DNAI2: variants seen among roughly 807,000 people sequenced by gnomAD.
DNAI2 encodes dynein, axonemal, intermediate polypeptide 2.
In DNAI2, 63 loss-of-function variants were observed where a neutral mutation model predicts 74.7. The observed-to-expected ratio is 0.84, with a 90% CI of 0.69 to 1.04. The LOEUF (loss-of-function observed/expected upper bound fraction) is 1.04. DNAI2 is among the 50% of genes least tolerant of loss of function. The probability of loss-of-function intolerance (pLI) is 0.00; values close to 1 mark genes in which losing one functional copy is unlikely to be tolerated. For synonymous variants in DNAI2, 289 were observed against 314.9 expected (o/e 0.92, Z 0.87); for missense variants, 688 against 803.2 (o/e 0.86, Z 1.73).
intron 9 of DNAI2, among the ~76,000 whole-genome samples, chr17:74,308,674 A>G (rs1475067068): frequency 6.6e-6 from 1 of 152,092 alleles, no homozygotes. Flanking sequence ...GGTGCTCACC[A>G]CCACACCCGG....
chr17:74,293,196 A>G (rs954672682), intron 6 of DNAI2, among the ~76,000 whole-genome samples: 2 of 152,074 alleles, frequency 1.3e-5, no homozygotes, highest in Non-Finnish European at 2.9e-5. Flanking sequence ...CAAGACTTCT[A>G]TTTCCTTGTT....
At position 74,289,674 on chromosome 17, in the gene DNAI2, C is replaced by T; in HGVS notation, c.548C>T (p.Ser183Phe). The change falls in exon 5 of 14, where the codon TCC (serine) becomes TTC (phenylalanine). Residue 183 changes from serine (S) to phenylalanine (F), a missense_variant. Coordinates refer to ENST00000311014, the MANE Select transcript of DNAI2 (RefSeq NM_023036.6). ...DGNRKLAVAY[S>F]CLDFQRAPVG... ...AACAGGAAGTTGGCAGTGGCATACT[C>T]CTGCTTGGATTTTCAGCGGGCACCT... 2 of 1,614,122 alleles carry T rather than the reference C, an allele frequency of 1.2e-6. No individual in the cohort carries two copies. The highest frequency in any genetic ancestry group is 1.7e-5 in the Admixed American group (1 of 60,002).
chr17:74,303,328 C>T (rs1356597846), intron 8 of DNAI2, among the ~76,000 whole-genome samples: 1 of 152,118 alleles, frequency 6.6e-6, no homozygotes, highest in Non-Finnish European at 1.5e-5. Context: ...TCTGGGTGGC[C>T]TTTCTCTCTG....
chr17:74,297,481 C>G (rs1386600778), intron 6 of DNAI2, among the ~76,000 whole-genome samples: 1 of 151,342 alleles, frequency 6.6e-6, no homozygotes, highest in Non-Finnish European at 1.5e-5. Context: ...ACCTCCGCCT[C>G]CTGGGTTCAA....
Position 74,283,478 on chromosome 17 carries a change from C to T in DNAI2, c.183+1478C>T, listed in dbSNP as rs947552924. ...TTTTAATTACCCAGTTGTGGTGGCT[C>T]GCACCTGTGGTCCCAGTTACTTGGG... On this transcript the variant is annotated intron_variant, in intron 2 of 13. Transcript: ENST00000311014. Among the ~76,000 whole-genome samples, 5 of 150,594 alleles carry T rather than the reference C, an allele frequency of 3.3e-5. No homozygotes were observed. The South Asian group carries it at 8.4e-4, about 25-fold the overall frequency.
chr17:74,287,231 CGTG>C, intron 4 of DNAI2, 133 bp downstream of exon 4: 1 of 1,420,300 alleles, frequency 7.0e-7, no homozygotes. Context: ...TGATAAGTGA[CGTG>C]GTGATAAGTC....
At chr17:74,285,599 A>T (rs1183388015) in intron 3 of DNAI2, among the ~76,000 whole-genome samples, 2 of 152,232 alleles carry the variant, frequency 1.3e-5, no homozygotes, top group East Asian at 3.8e-4. Context: ...GTGCAAAAAA[A>T]AAAAATTGTT....
rs529413087 is a variant in DNAI2 at position 74,293,005 on chromosome 17, AT to A, written c.724+1881del. On this transcript the variant is annotated intron_variant, in intron 6 of 13. Transcript: ENST00000311014. ...CCACCACGCTGGGCTAATTTTTTGTATTTTTTTTTAGTAGAGACGGGGTTTC... is the reference window on the plus strand; with the variant it reads ...CCACCACGCTGGGCTAATTTTTTGTATTTTTTTTAGTAGAGACGGGGTTTC... Among the ~76,000 whole-genome samples, 5 of 149,274 alleles carry A rather than the reference AT, an allele frequency of 3.3e-5. 1 individual carries two copies. Among genetic ancestry groups the A allele is most frequent in the Middle Eastern group, 6.9e-3 (2 of 290 alleles).
At chr17:74,302,431 G>A (rs1178402795) in intron 8 of DNAI2, among the ~76,000 whole-genome samples, 1 of 152,334 alleles carries the variant, frequency 6.6e-6, no homozygotes, top group East Asian at 1.9e-4. Flanking sequence ...GCTGGGCGTG[G>A]AGGCGCACGC....
chr17:74,305,144 G>A, intron 8 of DNAI2, 75 bp from the exon 9 acceptor site: 1 of 1,516,472 alleles, frequency 6.6e-7, no homozygotes, highest in South Asian at 1.1e-5. Context: ...CCCCAAGCAA[G>A]CTCCTGTCCA....
At chr17:74,285,315 G>C (rs2051650731) in intron 3 of DNAI2, 114 bp downstream of exon 3, 6 of 1,359,168 alleles carry the variant, frequency 4.4e-6, no homozygotes, top group Non-Finnish European at 6.1e-6. Flanking sequence ...GTGAATGCTG[G>C]GGGGAAGGGG....
intron 4 of DNAI2, 54 bp from the exon 5 acceptor site, chr17:74,289,540 A>C: frequency 7.0e-6 from 11 of 1,560,420 alleles, no homozygotes; most frequent in Admixed American, 1.9e-5. Flanking sequence ...AAAAAGGGGG[A>C]GAAATTGGGG....
chr17:74,278,271 A>AC (rs2143847049), intron 1 of DNAI2, among the ~76,000 whole-genome samples: 1 of 152,256 alleles, frequency 6.6e-6, no homozygotes, highest in South Asian at 2.1e-4. Context: ...ACTCTACAAA[A>AC]AAAAAAAAAT....
At chr17:74,283,596 A>G (rs1216874226) in intron 2 of DNAI2, among the ~76,000 whole-genome samples, 2 of 152,182 alleles carry the variant, frequency 1.3e-5, no homozygotes, top group Non-Finnish European at 2.9e-5. Flanking sequence ...CAACAGAATG[A>G]GACCCTGTCT....
chr17:74,282,600 G>A (rs1263706801), intron 2 of DNAI2, among the ~76,000 whole-genome samples: 1 of 152,172 alleles, frequency 6.6e-6, no homozygotes, highest in African/African-American at 2.4e-5. Context: ...TGTGCCCAGC[G>A]TGGGAGAGAT....
intron 8 of DNAI2, among the ~76,000 whole-genome samples, chr17:74,303,123 T>C (rs2052960490): frequency 2.0e-5 from 3 of 152,320 alleles, no homozygotes; most frequent in South Asian, 2.1e-4. Context: ...TGCAGTCGCC[T>C]ACAACCATCT....
chr17:74,314,398 G>C, intron 13 of DNAI2, 127 bp downstream of exon 13: 11 of 1,247,890 alleles, frequency 8.8e-6, no homozygotes, highest in Non-Finnish European at 1.1e-5. Context: ...GACTCACTGG[G>C]CACTGAGTCC....
At chr17:74,280,701 G>T (rs1422168652) in intron 1 of DNAI2, among the ~76,000 whole-genome samples, 1 of 152,152 alleles carries the variant, frequency 6.6e-6, no homozygotes, top group East Asian at 1.9e-4. Context: ...TCTGTGTCCT[G>T]TGTGTTTCAT....
chr17:74,290,332 C>T (rs945740662), intron 5 of DNAI2, among the ~76,000 whole-genome samples: 4 of 152,070 alleles, frequency 2.6e-5, no homozygotes, highest in Non-Finnish European at 5.9e-5. Flanking sequence ...AACAACAAGA[C>T]AGAGTGCCCA....
Sources: gnomAD v4.1 joint callset for allele counts (sites outside exome capture counted in the v4.1 genomes callset) on GRCh38, gnomAD v4.1.1 for gene constraint, MANE v1.5 for transcripts, NCBI Gene and HGNC (gene_info 2026-07-23, HGNC 2026-07-21) for gene names.